Variants in HTR1F observed in about 807,000 individuals in gnomAD.
HTR1F encodes the protein 5-hydroxytryptamine receptor 1F.
In HTR1F, 17 loss-of-function variants were observed where a neutral mutation model predicts 24.0. The observed-to-expected ratio is 0.71, with a 90% CI of 0.48 to 1.06. The LOEUF is 1.06. Among genes scored for constraint, HTR1F ranks in the 50% least tolerant of loss-of-function variants. The probability of loss-of-function intolerance (pLI) is 0.00; values close to 1 mark genes in which losing one functional copy is unlikely to be tolerated. For missense variants in HTR1F, 391 were observed against 427.8 expected, an observed-to-expected ratio of 0.91 and a Z score of 0.76; for synonymous variants, 186 against 156.8, an observed-to-expected ratio of 1.19 and a Z score of -1.39.
intron 1 of HTR1F, among the ~76,000 whole-genome samples, chr3:87,802,295 C>T (rs1270815268): frequency 8.6e-6 from 1 of 116,684 alleles, no homozygotes; most frequent in Admixed American, 8.5e-5. Context: ...TCCCTCCCTC[C>T]CTCCCTTCCT....
At chr3:87,861,192 A>C (rs1379744637) in intron 2 of HTR1F, among the ~76,000 whole-genome samples, 3 of 152,110 alleles carry the variant, frequency 2.0e-5, no homozygotes, top group African/African-American at 4.8e-5. Context: ...CAAATAGGAA[A>C]CAATTATATC....
intron 2 of HTR1F, among the ~76,000 whole-genome samples, chr3:87,949,736 A>G (rs1184608908): frequency 1.3e-5 from 2 of 152,150 alleles, no homozygotes; most frequent in African/African-American, 4.8e-5. Context: ...CTACTGACCT[A>G]AATATCAGAG....
intron 2 of HTR1F, among the ~76,000 whole-genome samples, chr3:87,923,028 C>T (rs1704045127): frequency 6.6e-6 from 1 of 151,786 alleles, no homozygotes; most frequent in Non-Finnish European, 1.5e-5. Context: ...AAGACTGTCC[C>T]ATCCCCAGTG....
intron 2 of HTR1F, among the ~76,000 whole-genome samples, chr3:87,949,608 T>C (rs11128014): frequency 0.27 from 40,416 of 151,152 alleles, 5,812 homozygotes; most frequent in African/African-American, 0.38. Context: ...AGTCTTTTTG[T>C]TTCTTATTGC....
chr3:87,876,789 T>C (rs1705681205), intron 2 of HTR1F, among the ~76,000 whole-genome samples: 1 of 152,170 alleles, frequency 6.6e-6, no homozygotes, highest in South Asian at 2.1e-4. Context: ...ATTGTTCCTA[T>C]GTCTATCCTA....
intron 2 of HTR1F, among the ~76,000 whole-genome samples, chr3:87,887,436 C>T (rs1705975767): frequency 6.6e-6 from 1 of 152,180 alleles, no homozygotes; most frequent in South Asian, 2.1e-4. Context: ...ATGACTAAAA[C>T]ACCAAAAGCA....
At chr3:87,848,505 G>A (rs1014551063) in intron 2 of HTR1F, among the ~76,000 whole-genome samples, 2 of 151,566 alleles carry the variant, frequency 1.3e-5, no homozygotes, top group African/African-American at 2.4e-5. Flanking sequence ...AAGCTTTTTA[G>A]GTTATTGAGC....
chr3:87,884,338 T>A (rs1705884335), intron 2 of HTR1F, among the ~76,000 whole-genome samples: 1 of 152,190 alleles, frequency 6.6e-6, no homozygotes, highest in Non-Finnish European at 1.5e-5. Flanking sequence ...TTACAAGAGC[T>A]GCTGAAGGAA....
intron 2 of HTR1F, among the ~76,000 whole-genome samples, chr3:87,963,540 G>T (rs1298383736): frequency 6.6e-6 from 1 of 152,092 alleles, no homozygotes; most frequent in African/African-American, 2.4e-5. Context: ...TGTCCTCCAA[G>T]ATGACAATAA....
At chr3:87,910,759 C>T (rs1276624207) in intron 2 of HTR1F, among the ~76,000 whole-genome samples, 1 of 151,930 alleles carries the variant, frequency 6.6e-6, no homozygotes, top group Non-Finnish European at 1.5e-5. Flanking sequence ...GAACAGAAAT[C>T]ATGCTAAACA....
At chr3:87,945,581 C>G (rs528469071) in intron 2 of HTR1F, among the ~76,000 whole-genome samples, 1 of 152,238 alleles carries the variant, frequency 6.6e-6, no homozygotes, top group East Asian at 1.9e-4. Context: ...AGCTTTCTGC[C>G]TCTAGTTGGC....
intron 2 of HTR1F, among the ~76,000 whole-genome samples, chr3:87,837,542 T>C (rs1559600013): frequency 6.6e-6 from 1 of 152,052 alleles, no homozygotes. Context: ...AGAAAGGATA[T>C]TTCCCTCAGG....
intron 2 of HTR1F, among the ~76,000 whole-genome samples, chr3:87,931,026 C>CTTTTTTTTTTTTTTTTTTTTTTTCTT (rs34617109): frequency 7.6e-6 from 1 of 131,838 alleles, no homozygotes. Flanking sequence ...ATAGTCTTTC[C>CTTTTTTTTTTTTTTTTTTTTTTTCTT]TTTTTTTTTT....
intron 2 of HTR1F, among the ~76,000 whole-genome samples, chr3:87,962,035 C>T (rs1468862831): frequency 6.6e-6 from 1 of 152,020 alleles, no homozygotes; most frequent in African/African-American, 2.4e-5. Context: ...CTAAACCAGG[C>T]AACCTCAATG....
At chr3:87,901,605 A>G (rs1016367845) in intron 2 of HTR1F, among the ~76,000 whole-genome samples, 2 of 152,124 alleles carry the variant, frequency 1.3e-5, no homozygotes, top group South Asian at 4.1e-4. Context: ...TATTTGTAAT[A>G]TTAAGACAAA....
At chr3:87,798,667 C>T (rs557313103) in intron 1 of HTR1F, among the ~76,000 whole-genome samples, 7 of 152,128 alleles carry the variant, frequency 4.6e-5, no homozygotes, top group East Asian at 3.9e-4. Context: ...CACCACAGGC[C>T]GGATTCCACT....
intron 2 of HTR1F, among the ~76,000 whole-genome samples, chr3:87,895,903 C>T (rs1706187449): frequency 6.6e-6 from 1 of 152,062 alleles, no homozygotes; most frequent in Non-Finnish European, 1.5e-5. Context: ...GAGAGAGAAA[C>T]ACTGGCAGGT....
intron 2 of HTR1F, among the ~76,000 whole-genome samples, chr3:87,839,248 G>C (rs1315626667): frequency 6.6e-6 from 1 of 151,940 alleles, no homozygotes; most frequent in Non-Finnish European, 1.5e-5. Flanking sequence ...GCTCATTGTA[G>C]ATAGTGTAAG....
intron 2 of HTR1F, among the ~76,000 whole-genome samples, chr3:87,940,440 C>G (rs1476826314): frequency 6.6e-6 from 1 of 152,136 alleles, no homozygotes; most frequent in Non-Finnish European, 1.5e-5. Flanking sequence ...ATACAACTTA[C>G]AAGGGATGTG....
Sources: allele counts gnomAD v4.1 joint callset (sites outside exome capture counted in the v4.1 genomes callset), GRCh38; gene constraint gnomAD v4.1.1; transcripts MANE v1.5; gene names NCBI Gene and HGNC (gene_info 2026-07-23, HGNC 2026-07-21).